Variants in TRIM3 observed in about 807,000 individuals in gnomAD.
TRIM3 encodes tripartite motif-containing protein 3.
TRIM3 carries 13 observed loss-of-function variants against 66.6 expected under a neutral mutation model. That is an observed-to-expected ratio of 0.20 (90% CI 0.13 to 0.31). The LOEUF is 0.31. Ranked by LOEUF, TRIM3 falls within the 10% of genes least tolerant of loss-of-function variation. The pLI is 1.00. For missense variants in TRIM3, 711 were observed against 1,020.4 expected (o/e 0.70, Z 4.13); for synonymous variants, 406 against 411.7 (o/e 0.99, Z 0.17).
intron 7 of TRIM3, among the ~76,000 whole-genome samples, chr11:6,454,098 G>A (rs1274549516): frequency 3.3e-5 from 5 of 152,192 alleles, no homozygotes; most frequent in Non-Finnish European, 7.3e-5. Flanking sequence ...CAATGGGGAG[G>A]CCAGGTGCAG....
rs758420067 is a variant in TRIM3, at chr11:6,449,185, G to A, written c.2083-5C>T. 1.2e-6 allele frequency: 2 copies of A among 1,613,870 alleles called. No homozygotes were observed. The highest frequency in any genetic ancestry group is 1.7e-6 in the Non-Finnish European group (2 of 1,179,744). The stretch of plus-strand genomic sequence containing the variant: ...GGAGCCAGAGCTGTCGAATACCTGG[G>A]GAAGGAGTGCAGAAAGGAGGGAGAG... On this transcript the variant is annotated splice_polypyrimidine_tract_variant and splice_region_variant and intron_variant, in intron 11 of 11. Coordinates refer to ENST00000345851, the MANE Select transcript of TRIM3 (RefSeq NM_033278.4). The surrounding 1 kb of genome is among the most constrained non-coding windows in gnomAD (Gnocchi z 5.3).
intron 1 of TRIM3, among the ~76,000 whole-genome samples, chr11:6,472,545 A>G (rs1850724886): frequency 6.6e-6 from 1 of 151,880 alleles, no homozygotes; most frequent in Non-Finnish European, 1.5e-5. Context: ...CCTGGGCTAT[A>G]CTATCCCAAC....
chr11:6,454,078 C>T (rs1010459390), intron 7 of TRIM3, among the ~76,000 whole-genome samples: 1 of 152,182 alleles, frequency 6.6e-6, no homozygotes, highest in Non-Finnish European at 1.5e-5. Context: ...CTCAATTCCC[C>T]ACTCTGAAAC....
intron 1 of TRIM3, 55 bp from the exon 2 acceptor site, chr11:6,465,787 A>C: frequency 1.2e-5 from 18 of 1,475,984 alleles, no homozygotes; most frequent in Non-Finnish European, 1.2e-5. Flanking sequence ...TCCCCACCCA[A>C]TCCCCGCCAC....
Position 6,456,390 on chromosome 11 carries a change from G to A in TRIM3, c.1336C>T (p.Arg446Cys). Residue 446 changes from arginine to cysteine, a missense_variant, in exon 6 of 12, where the codon CGC becomes TGC. Arg to Cys is a radical substitution (Grantham distance 180). This residue lies in a region of TRIM3 where 399 missense variants were observed against 458.1 expected (regional missense o/e 0.87). Coordinates refer to ENST00000345851, the MANE Select transcript of TRIM3 (RefSeq NM_033278.4). This position sits in a 1 kb window ranked among gnomAD's most constrained non-coding sequence, Gnocchi z 6.4. ...KSPGGPGSHV[R>C]QKAVRRPSSM... Reference sequence around the variant, plus strand: ...CTGGGCCTACGCACTGCCTTCTGGCGCACATGGCTGCCGGGGCCGCCAGGG... The same window carrying A: ...CTGGGCCTACGCACTGCCTTCTGGCACACATGGCTGCCGGGGCCGCCAGGG... 6.5e-7 allele frequency: 1 copy of A among 1,529,790 alleles called. No homozygotes were observed. Among genetic ancestry groups the A allele is most frequent in the Non-Finnish European group, 8.8e-7 (1 of 1,136,058 alleles). The allele number at this position is 1,529,790 out of a possible 1,614,324, so 94.8% of individuals were successfully genotyped here. A position where few individuals can be genotyped will look rare whatever the true frequency, so the allele number is the denominator to read the frequency against.
intron 1 of TRIM3, among the ~76,000 whole-genome samples, chr11:6,467,803 G>C (rs1358881679): frequency 2.6e-5 from 4 of 152,200 alleles, no homozygotes. Flanking sequence ...AAGTTGGAGG[G>C]GGGGATGATG....
At chr11:6,467,704 G>A (rs937041289) in intron 1 of TRIM3, among the ~76,000 whole-genome samples, 8 of 152,128 alleles carry the variant, frequency 5.3e-5, no homozygotes, top group African/African-American at 2.4e-5. Context: ...GGTCGAGGCT[G>A]CAGTGAGCCA....
chr11:6,468,504 G>T (rs1038962310), intron 1 of TRIM3, among the ~76,000 whole-genome samples: 2 of 152,194 alleles, frequency 1.3e-5, no homozygotes, highest in African/African-American at 2.4e-5. Flanking sequence ...GCCAGCAAAG[G>T]TGACTCTGAG....
intron 1 of TRIM3, among the ~76,000 whole-genome samples, chr11:6,467,413 G>C (rs1275479045): frequency 1.3e-5 from 2 of 152,144 alleles, no homozygotes; most frequent in Non-Finnish European, 2.9e-5. Flanking sequence ...AAAAGGAAGA[G>C]GTGAGTTTGG....
chr11:6,448,872 CGTGGGG>C lies in TRIM3; in HGVS notation c.*150_*155del. On this transcript the variant is annotated 3_prime_UTR_variant, in exon 12 of 12. Coordinates refer to ENST00000345851, the MANE Select transcript of TRIM3 (RefSeq NM_033278.4). ...AAGAACCGAATAAATAAAGTGCAAC[CGTGGGG>C]GTGGGGGTAGGAGAGGGAGGGCACC... The C allele has an allele frequency of 2.3e-6, 2 of 868,296 alleles. No individual in the cohort carries two copies. Among genetic ancestry groups the C allele is most frequent in the Non-Finnish European group, 3.7e-6 (2 of 546,458 alleles). The allele number at this position is 868,296 out of a possible 1,614,324, so 53.8% of individuals were successfully genotyped here. A position where few individuals can be genotyped will look rare whatever the true frequency, so the allele number is the denominator to read the frequency against.
chr11:6,448,701 AC>A lies in TRIM3; in HGVS notation c.*326del. ...GGGTGGTAGGGAGACAACTAGAGGG[AC>A]TCCTGTCCTGGGGTAGGCTGTTCTG... On this transcript the variant is annotated 3_prime_UTR_variant, in exon 12 of 12. Transcript: ENST00000345851. 1.7e-6 allele frequency: 1 copy of A among 596,210 alleles called. No homozygotes were observed. Among genetic ancestry groups the A allele is most frequent in the Non-Finnish European group, 3.0e-6 (1 of 333,910 alleles). 36.9% of individuals were successfully genotyped at this position (596,210 alleles called of 1,614,324 possible). A position where few individuals can be genotyped will look rare whatever the true frequency, so the allele number is the denominator to read the frequency against.
intron 7 of TRIM3, among the ~76,000 whole-genome samples, chr11:6,454,682 T>C (rs1849891865): frequency 6.6e-6 from 1 of 152,116 alleles, no homozygotes; most frequent in South Asian, 2.1e-4. Context: ...GGCCTCTCCA[T>C]TCCTCTGCTC....
chr11:6,468,935 G>A (rs1268901217), intron 1 of TRIM3, among the ~76,000 whole-genome samples: 1 of 152,210 alleles, frequency 6.6e-6, no homozygotes, highest in African/African-American at 2.4e-5. Flanking sequence ...CTGAGTTGCT[G>A]TGCCTTATGT....
In TRIM3 at chr11:6,448,967, C is replaced by A; in HGVS notation, c.*61G>T. The stretch of plus-strand genomic sequence containing the variant: ...AGGTCTGGCCCACCTCCCAGCCAGA[C>A]CCTCTTGTCCAATCACCCCAATGTC... On this transcript the variant is annotated 3_prime_UTR_variant, in exon 12 of 12. Transcript: ENST00000345851. The A allele has an allele frequency of 3.8e-6, 6 of 1,596,270 alleles. No individual in the cohort carries two copies. Among genetic ancestry groups the A allele is most frequent in the Non-Finnish European group, 4.3e-6 (5 of 1,165,840 alleles).
chr11:6,461,578 C>T (rs2134201317), intron 2 of TRIM3, among the ~76,000 whole-genome samples: 1 of 151,652 alleles, frequency 6.6e-6, no homozygotes, highest in Non-Finnish European at 1.5e-5. Context: ...ATCTTTTCCC[C>T]CATTTCCCAT....
At chr11:6,466,208 C>G (rs980104492) in intron 1 of TRIM3, among the ~76,000 whole-genome samples, 1 of 152,160 alleles carries the variant, frequency 6.6e-6, no homozygotes, top group Non-Finnish European at 1.5e-5. Context: ...TGACCCACCT[C>G]TTAGCACAAC....
intron 2 of TRIM3, among the ~76,000 whole-genome samples, chr11:6,464,923 G>A (rs1850388811): frequency 7.0e-6 from 1 of 142,896 alleles, no homozygotes; most frequent in South Asian, 2.2e-4. Flanking sequence ...GGAGGCAGAG[G>A]TTGCAGTGAG....
chr11:6,465,442 G>C, intron 2 of TRIM3, 123 bp downstream of exon 2: 2 of 1,247,750 alleles, frequency 1.6e-6, no homozygotes, highest in Non-Finnish European at 2.3e-6. Flanking sequence ...TCTCCTCCCA[G>C]GTAAGCATGT....
In TRIM3 at chr11:6,448,969, C is replaced by T. The variant is rs1358655401; in HGVS notation, c.*59G>A. On this transcript the variant is annotated 3_prime_UTR_variant, in exon 12 of 12. Transcript: ENST00000345851. ...GTCTGGCCCACCTCCCAGCCAGACC[C>T]TCTTGTCCAATCACCCCAATGTCTG... The T allele has an allele frequency of 3.7e-6, 6 of 1,600,966 alleles. No individual in the cohort carries two copies. The highest frequency in any genetic ancestry group is 3.3e-5 in the Admixed American group (2 of 59,778).
Sources: gnomAD v4.1 joint callset for allele counts (sites outside exome capture counted in the v4.1 genomes callset) on GRCh38, gnomAD v4.1.1 for gene constraint, gnomAD v4.1.1 regional missense constraint, Gnocchi (gnomAD v3.1) non-coding constraint, MANE v1.5 for transcripts, NCBI Gene and HGNC (gene_info 2026-07-23, HGNC 2026-07-21) for gene names.